Variants in LCK observed in about 807,000 individuals in gnomAD.
LCK encodes LCK proto-oncogene, Src family tyrosine kinase, also known as tyrosine-protein kinase Lck.
In LCK, 14 loss-of-function variants were observed where a neutral mutation model predicts 64.6. That is an observed-to-expected ratio of 0.22 (90% confidence interval 0.14 to 0.34). The LOEUF (loss-of-function observed/expected upper bound fraction) is 0.34, where lower values mean the gene tolerates loss of function less well. Ranked by LOEUF, LCK falls within the 10% of genes least tolerant of loss-of-function variation. The probability of loss-of-function intolerance (pLI) is 1.00; values close to 1 mark genes in which losing one functional copy is unlikely to be tolerated. For synonymous variants in LCK, 277 were observed against 263.6 expected, an observed-to-expected ratio of 1.05 and a Z score of -0.49; for missense variants, 434 against 668.1, an observed-to-expected ratio of 0.65 and a Z score of 3.86.
intron 1 of LCK, among the ~76,000 whole-genome samples, chr1:32,270,168 C>A (rs184331888): frequency 6.6e-6 from 1 of 150,750 alleles, no homozygotes; most frequent in Non-Finnish European, 1.5e-5. Context: ...GTGAACAGTG[C>A]GGTGGCAGTG....
rs1557581382 is a variant in LCK, at chr1:32,272,623, A to AAGAGAGAGAGAGAGAGAC, written c.-5-1685_-5-1684insCAGAGAGAGAGAGAGAGA. On this transcript the variant is annotated intron_variant, in intron 1 of 12. Transcript: ENST00000336890. Reference sequence around the variant, plus strand: ...AGAGAGAAAGAGAGAGAGAGAGAGAAAGAGAGAGAGAGAGAGAGAGAGAGA... The same window carrying AAGAGAGAGAGAGAGAGAC: ...AGAGAGAAAGAGAGAGAGAGAGAGAAAGAGAGAGAGAGAGAGACAGAGAGAGAGAGAGAGAGAGAGAGA... Among the ~76,000 whole-genome samples the AAGAGAGAGAGAGAGAGAC allele has an allele frequency of 5.7e-5, 7 of 123,144 alleles. No individual in the cohort carries two copies. The East Asian group carries it at 6.8e-4, about 12-fold the overall frequency. 80.8% of individuals were successfully genotyped at this position (123,144 alleles called of 152,430 possible).
chr1:32,272,136 T>C (rs2124343842), intron 1 of LCK, among the ~76,000 whole-genome samples: 1 of 151,494 alleles, frequency 6.6e-6, no homozygotes, highest in South Asian at 2.1e-4. Flanking sequence ...ATACAAAAGT[T>C]AGCCAAGCGT....
rs144274346 is a variant in LCK at position 32,281,371 on chromosome 1, G to A, written c.1327+1161G>A. Among the ~76,000 whole-genome samples, 691 of 150,296 alleles carry A rather than the reference G, an allele frequency of 4.6e-3. 9 individuals are homozygous for A. Among genetic ancestry groups the A allele is most frequent in the African/African-American group, 0.016 (652 of 40,916 alleles). ...GCTATTTGGGAGGCTGAGGTGGGAG[G>A]ATCATTTGAGCCCAGGAGGTTGAGG... is the stretch of plus-strand genomic sequence containing the variant. On this transcript the variant is annotated intron_variant, in intron 12 of 12. Coordinates refer to ENST00000336890, the MANE Select transcript of LCK (RefSeq NM_005356.5).
chr1:32,280,443 C>CTTTTTTTTTTTTT (rs770430504), intron 12 of LCK, among the ~76,000 whole-genome samples: 126 of 84,772 alleles, frequency 1.5e-3, no homozygotes, highest in Middle Eastern at 0.013. Context: ...TTTTCTTTTT[C>CTTTTTTTTTTTTT]TTTTTTTTTT....
chr1:32,264,088 C>A (rs1207225519), intron 1 of LCK, among the ~76,000 whole-genome samples: 1 of 152,108 alleles, frequency 6.6e-6, no homozygotes, highest in African/African-American at 2.4e-5. Flanking sequence ...CAGATATGCA[C>A]CCATAAGCAC....
chr1:32,255,484 C>CA (rs1412134010), intron 1 of LCK, among the ~76,000 whole-genome samples: 1 of 152,214 alleles, frequency 6.6e-6, no homozygotes. Context: ...CATGTCAATA[C>CA]AAAATACCTC....
intron 1 of LCK, among the ~76,000 whole-genome samples, chr1:32,273,562 G>C (rs2124348659): frequency 6.6e-6 from 1 of 152,094 alleles, no homozygotes; most frequent in South Asian, 2.1e-4. Context: ...GGAGCTGCAG[G>C]GACTCCGGGG....
chr1:32,257,980 G>T (rs960526094), intron 1 of LCK, among the ~76,000 whole-genome samples: 2 of 151,612 alleles, frequency 1.3e-5, no homozygotes, highest in African/African-American at 4.8e-5. Flanking sequence ...AGGCTACAGA[G>T]TTCATTCAAA....
At chr1:32,281,364 G>A (rs1640453948) in intron 12 of LCK, among the ~76,000 whole-genome samples, 1 of 151,572 alleles carries the variant, frequency 6.6e-6, no homozygotes, top group South Asian at 2.1e-4. Context: ...GGAGGCTGAG[G>A]TGGGAGGATC....
intron 12 of LCK, 31 bp from the exon 13 acceptor site, chr1:32,285,483 C>G: frequency 2.5e-6 from 4 of 1,599,004 alleles, no homozygotes; most frequent in Non-Finnish European, 3.4e-6. Context: ...CAGTGCCTGA[C>G]CTTGATGTCC....
intron 1 of LCK, among the ~76,000 whole-genome samples, chr1:32,272,307 G>A (rs1371335516): frequency 6.6e-6 from 1 of 151,562 alleles, no homozygotes; most frequent in South Asian, 2.1e-4. Context: ...AGAGCATGCC[G>A]ACTGGGTTCG....
intron 9 of LCK, 178 bp from the exon 10 acceptor site, chr1:32,279,493 C>A: frequency 8.0e-7 from 1 of 1,247,552 alleles, no homozygotes; most frequent in Non-Finnish European, 1.1e-6. Context: ...AGCCCCTCTG[C>A]AAAAAAACCT....
At chr1:32,285,427 C>A in intron 12 of LCK, 87 bp from the exon 13 acceptor site, 2 of 1,176,888 alleles carry the variant, frequency 1.7e-6, no homozygotes, top group East Asian at 2.3e-5. Context: ...GGTGCTCACA[C>A]TGTGCCAGTT....
intron 1 of LCK, among the ~76,000 whole-genome samples, chr1:32,272,544 G>A (rs1640104710): frequency 6.7e-6 from 1 of 149,636 alleles, no homozygotes; most frequent in Admixed American, 6.7e-5. Context: ...CTGCACTTCA[G>A]CCTGGGAGAG....
rs1640597889 is a variant in LCK, at chr1:32,285,811, T to C, written c.*95T>C. 35 of 1,302,212 alleles carry C rather than the reference T, an allele frequency of 2.7e-5. No homozygotes were observed. In the South Asian group the frequency reaches 4.4e-4, roughly 16 times the overall value. The allele number at this position is 1,302,212 out of a possible 1,614,324, so 80.7% of individuals were successfully genotyped here. A position where few individuals can be genotyped will look rare whatever the true frequency, so the allele number is the denominator to read the frequency against. On this transcript the variant is annotated 3_prime_UTR_variant, in exon 13 of 13. Transcript: ENST00000336890. ...GCCATAGTCACATGGCCTATGCACATATGGACTCTGCACATGAATCCCACC... is the reference window on the plus strand; with the variant it reads ...GCCATAGTCACATGGCCTATGCACACATGGACTCTGCACATGAATCCCACC...
At chr1:32,261,397 C>T (rs1414408001) in intron 1 of LCK, among the ~76,000 whole-genome samples, 4 of 151,780 alleles carry the variant, frequency 2.6e-5, no homozygotes, top group Admixed American at 1.3e-4. Context: ...CCTGTAATCC[C>T]AGCACTTTGG....
intron 1 of LCK, among the ~76,000 whole-genome samples, chr1:32,271,283 G>A (rs891638922): frequency 6.6e-6 from 1 of 152,124 alleles, no homozygotes; most frequent in Non-Finnish European, 1.5e-5. Context: ...GATTACAGAT[G>A]TGAGCCACCA....
rs868644258 is a variant in LCK, at chr1:32,275,664, G to A, written c.473G>A (p.Ser158Asn). The A allele has an allele frequency of 6.4e-7, 1 of 1,563,244 alleles. No individual in the cohort carries two copies. The highest frequency in any genetic ancestry group is 1.9e-5 in the Admixed American group (1 of 52,306). The change falls in exon 6 of 13, where the codon AGC (serine) becomes AAC (asparagine). Residue 158 changes from serine to asparagine, a missense_variant. This residue lies in a region of LCK where 233 missense variants were observed against 291.2 expected (regional missense o/e 0.80). Transcript: ENST00000336890. This position sits in a 1 kb window ranked among gnomAD's most constrained non-coding sequence, Gnocchi z 6.9. ...HGSFLIRESE[S>N]TAGSFSLSVR... ...TCCTTCCTCATCCGGGAGAGCGAGA[G>A]CACCGCGGGTGAGCGGGCGGCGGTC...
chr1:32,261,625 G>A (rs1192882586), intron 1 of LCK, among the ~76,000 whole-genome samples: 4 of 130,520 alleles, frequency 3.1e-5, no homozygotes, highest in Non-Finnish European at 6.3e-5. Context: ...TAGCCTGGGC[G>A]ACACAGTGAG....
Sources: gnomAD v4.1 joint callset for allele counts (sites outside exome capture counted in the v4.1 genomes callset) on GRCh38, gnomAD v4.1.1 for gene constraint, gnomAD v4.1.1 regional missense constraint, Gnocchi (gnomAD v3.1) non-coding constraint, MANE v1.5 for transcripts, NCBI Gene and HGNC (gene_info 2026-07-23, HGNC 2026-07-21) for gene names.